Variants in ST18 observed in about 807,000 individuals in gnomAD.
ST18 encodes the protein suppression of tumorigenicity 18 protein.
Under a neutral mutation model 110.0 loss-of-function variants are expected in ST18, and 50 were observed. The ratio of observed to expected loss-of-function variants is 0.45; its 90% CI spans 0.36 to 0.58. ST18 has a LOEUF of 0.58. Ranked by LOEUF, ST18 falls within the 20% of genes least tolerant of loss-of-function variation. The pLI, the probability that ST18 is intolerant of heterozygous loss-of-function variation, is 0.00. For missense variants in ST18, 1,306 were observed against 1,280.1 expected, an observed-to-expected ratio of 1.02 and a Z score of -0.31; for synonymous variants, 461 against 452.4, an observed-to-expected ratio of 1.02 and a Z score of -0.24.
At chr8:52,114,228 C>A (rs2041662572) in intron 25 of ST18, among the ~76,000 whole-genome samples, 1 of 152,060 alleles carries the variant, frequency 6.6e-6, no homozygotes, top group South Asian at 2.1e-4. Context: ...CTTCGGCCTC[C>A]CAAAGTGCTG....
intron 2 of ST18, among the ~76,000 whole-genome samples, chr8:52,308,771 G>T (rs1375047441): frequency 6.6e-6 from 1 of 152,182 alleles, no homozygotes; most frequent in African/African-American, 2.4e-5. Context: ...GAACAACTGG[G>T]GAGACACTGG....
intron 2 of ST18, among the ~76,000 whole-genome samples, chr8:52,311,876 C>T (rs1172655689): frequency 6.6e-6 from 1 of 152,156 alleles, no homozygotes; most frequent in East Asian, 1.9e-4. Context: ...GGTGGAGACA[C>T]AGCCAAACCA....
chr8:52,139,922 G>A (rs2054237232), intron 17 of ST18, among the ~76,000 whole-genome samples: 1 of 152,146 alleles, frequency 6.6e-6, no homozygotes, highest in Non-Finnish European at 1.5e-5. Context: ...TTTACATAAT[G>A]ACATGTGCCA....
Position 52,111,018 on chromosome 8 carries a change from G to T in ST18, c.*2180C>A. 5.0e-6 allele frequency: 2 copies of T among 398,560 alleles called. No individual in the cohort carries two copies. Among genetic ancestry groups the T allele is most frequent in the South Asian group, 2.6e-4 (2 of 7,792 alleles). 24.7% of individuals were successfully genotyped at this position (398,560 alleles called of 1,614,324 possible). On this transcript the variant is annotated 3_prime_UTR_variant, in exon 26 of 26. Coordinates refer to ENST00000689386, the MANE Select transcript of ST18 (RefSeq NM_001352837.2). ...TACAAAAGACCCAATTTACAGTATTGATCATTAACATAGTTGAAAAGAAAA... is the reference window on the plus strand; with the variant it reads ...TACAAAAGACCCAATTTACAGTATTTATCATTAACATAGTTGAAAAGAAAA...
intron 2 of ST18, among the ~76,000 whole-genome samples, chr8:52,328,097 G>A (rs1226037331): frequency 3.9e-5 from 6 of 152,184 alleles, no homozygotes; most frequent in Admixed American, 2.0e-4. Context: ...CAGAGTGAGA[G>A]AATAGCCCCA....
rs141890839 is a variant in ST18, at chr8:52,373,676, C to T, written c.-465+35652G>A. 9.2e-5 allele frequency among the ~76,000 whole-genome samples: 14 copies of T among 152,292 alleles called. No individual in the cohort carries two copies. In the East Asian group the frequency reaches 2.7e-3, roughly 29 times the overall value. ...GACCTTCATGATCTTCATGTCTTCA[C>T]TCTCCTCTTTTCCTAACATAAGTTT... On this transcript the variant is annotated intron_variant, in intron 2 of 25. Coordinates refer to ENST00000689386, the MANE Select transcript of ST18 (RefSeq NM_001352837.2).
rs1236469909 is a variant in ST18, at chr8:52,277,782, G to A, written c.-464-47705C>T. On this transcript the variant is annotated intron_variant, in intron 2 of 25. Transcript: ENST00000689386. The stretch of plus-strand genomic sequence containing the variant: ...CTTAAGGATTACTTAAAAGTTCTAC[G>A]TTTTCCAGGTCTTGTTGCTGAGATG... 7.2e-5 allele frequency among the ~76,000 whole-genome samples: 11 copies of A among 152,104 alleles called. No individual in the cohort carries two copies. In the East Asian group the frequency reaches 1.2e-3, roughly 16 times the overall value.
rs1385958880 is a variant in ST18, at chr8:52,111,754, T to C, written c.*1444A>G. 6.6e-6 allele frequency: 1 copy of C among 152,618 alleles called. No individual in the cohort carries two copies. The highest frequency in any genetic ancestry group is 1.5e-5 in the Non-Finnish European group (1 of 68,038). 9.5% of individuals were successfully genotyped at this position (152,618 alleles called of 1,614,324 possible). On this transcript the variant is annotated 3_prime_UTR_variant, in exon 26 of 26. Coordinates refer to ENST00000689386, the MANE Select transcript of ST18 (RefSeq NM_001352837.2). The stretch of plus-strand genomic sequence containing the variant: ...GGCACGTCTGCACATGAAATGTGTG[T>C]GCACACCAAAAAGGCAGTTTAGCTG...
At chr8:52,346,475 G>C (rs1334689308) in intron 2 of ST18, among the ~76,000 whole-genome samples, 1 of 152,112 alleles carries the variant, frequency 6.6e-6, no homozygotes, top group Non-Finnish European at 1.5e-5. Context: ...AAGAAGAGTT[G>C]AATTTCCAGA....
intron 2 of ST18, among the ~76,000 whole-genome samples, chr8:52,386,916 T>C (rs752244942): frequency 1.3e-5 from 2 of 152,218 alleles, no homozygotes; most frequent in East Asian, 1.9e-4. Context: ...AATGCTCTAA[T>C]AATCCAACTA....
chr8:52,261,410 G>A (rs1482256240), intron 2 of ST18, among the ~76,000 whole-genome samples: 1 of 152,154 alleles, frequency 6.6e-6, no homozygotes, highest in Admixed American at 6.5e-5. Flanking sequence ...CAATCCTATG[G>A]AAATGTTCAG....
chr8:52,212,115 G>T lies in ST18; in HGVS notation c.56-6C>A. On this transcript the variant is annotated splice_region_variant and splice_polypyrimidine_tract_variant and intron_variant, in intron 7 of 25. Coordinates refer to ENST00000689386, the MANE Select transcript of ST18 (RefSeq NM_001352837.2). ...GATTAGTGAATCCATTGGCACTGTT[G>T]ACAAAAGAAGAAAAAAAAGAAGACT... 1 of 1,596,312 alleles carries T rather than the reference G, an allele frequency of 6.3e-7. No individual in the cohort carries two copies.
intron 3 of ST18, 155 bp downstream of exon 3, chr8:52,229,877 A>T (rs1300066743): frequency 1.3e-5 from 2 of 152,274 alleles, no homozygotes; most frequent in Non-Finnish European, 2.9e-5. Flanking sequence ...CATAACCCAA[A>T]TTACCATGAG....
intron 10 of ST18, chr8:52,171,516 G>T (rs1333940242): frequency 7.7e-6 from 4 of 520,110 alleles, no homozygotes; most frequent in South Asian, 3.2e-5. Context: ...ATTTCTAAAG[G>T]TATGATGCAT....
At chr8:52,209,897 C>G (rs4369003) in intron 8 of ST18, 10,444 of 331,240 alleles carry the variant, frequency 0.032, 325 homozygotes, top group East Asian at 0.11. Flanking sequence ...ACATTTCTTC[C>G]CACAAATTTG....
intron 2 of ST18, among the ~76,000 whole-genome samples, chr8:52,284,695 C>T (rs1168096994): frequency 6.6e-6 from 1 of 152,058 alleles, no homozygotes; most frequent in Non-Finnish European, 1.5e-5. Context: ...TGATGATGGA[C>T]CATGAGTCCC....
At chr8:52,202,865 G>A (rs1253834531) in intron 8 of ST18, among the ~76,000 whole-genome samples, 1 of 151,918 alleles carries the variant, frequency 6.6e-6, no homozygotes, top group Non-Finnish European at 1.5e-5. Flanking sequence ...GTGGGAAGGG[G>A]GATAAAAGTG....
intron 2 of ST18, among the ~76,000 whole-genome samples, chr8:52,273,157 C>T (rs1165188741): frequency 2.6e-5 from 4 of 152,170 alleles, no homozygotes; most frequent in Non-Finnish European, 4.4e-5. Context: ...TTACTAACAT[C>T]ACATCCATAT....
chr8:52,164,115 G>A lies in ST18; in HGVS notation c.1296-25C>T, dbSNP rs75265950. The A allele has an allele frequency of 5.8e-4, 916 of 1,582,656 alleles. 10 individuals are homozygous for A. The African/African-American group carries it at 0.011, about 19-fold the overall frequency. On this transcript the variant is annotated intron_variant, in intron 12 of 25. Coordinates refer to ENST00000689386, the MANE Select transcript of ST18 (RefSeq NM_001352837.2). ...ACTGTTTAAAAAAAGAAACACAGGAGGATTTTAGTTAAAATGATAATATGA... is the reference window on the plus strand; with the variant it reads ...ACTGTTTAAAAAAAGAAACACAGGAAGATTTTAGTTAAAATGATAATATGA...
Sources: allele counts gnomAD v4.1 joint callset (sites outside exome capture counted in the v4.1 genomes callset), GRCh38; gene constraint gnomAD v4.1.1; transcripts MANE v1.5; gene names NCBI Gene and HGNC (gene_info 2026-07-23, HGNC 2026-07-21).